Variants in MEI1 observed in about 807,000 individuals in gnomAD.
MEI1 encodes meiotic double-stranded break formation protein 1, also known as meiosis inhibitor protein 1.
In MEI1, 103 loss-of-function variants were observed where a neutral mutation model predicts 146.2. The observed-to-expected ratio is 0.70, with a 90% CI of 0.60 to 0.83. The LOEUF (loss-of-function observed/expected upper bound fraction) is 0.83, where lower values mean the gene tolerates loss of function less well. MEI1 is among the 40% of genes least tolerant of loss of function. The pLI is 0.00. For missense variants in MEI1, 1,529 were observed against 1,533.0 expected, an observed-to-expected ratio of 1.00 and a Z score of 0.04; for synonymous variants, 652 against 628.2, an observed-to-expected ratio of 1.04 and a Z score of -0.57.
intron 11 of MEI1, among the ~76,000 whole-genome samples, chr22:41,738,747 GGTGACAGAGCAAGA>G (rs2072600558): frequency 6.6e-6 from 1 of 151,356 alleles, no homozygotes; most frequent in Non-Finnish European, 1.5e-5. Context: ...ACTACAGCTT[GGTGACAGAGCAAGA>G]CTCTGTCTCA....
chr22:41,784,809 G>C, intron 26 of MEI1, 26 bp downstream of exon 26: 1 of 1,553,670 alleles, frequency 6.4e-7, no homozygotes, highest in Non-Finnish European at 8.7e-7. Flanking sequence ...AGTGGGGCTT[G>C]CTTCTCCCAG....
chr22:41,705,778 G>A (rs1484508261), intron 3 of MEI1, among the ~76,000 whole-genome samples: 1 of 149,964 alleles, frequency 6.7e-6, no homozygotes, highest in African/African-American at 2.5e-5. Context: ...TGCAATCTCA[G>A]CTCACTGCAA....
At chr22:41,708,205 A>G (rs2069250270) in intron 3 of MEI1, among the ~76,000 whole-genome samples, 1 of 152,250 alleles carries the variant, frequency 6.6e-6, no homozygotes, top group African/African-American at 2.4e-5. Flanking sequence ...TAAGGAAAAA[A>G]GGAGAGAGAA....
intron 7 of MEI1, among the ~76,000 whole-genome samples, chr22:41,728,050 C>T (rs2071521879): frequency 6.6e-6 from 1 of 152,214 alleles, no homozygotes; most frequent in African/African-American, 2.4e-5. Context: ...CCCACATATA[C>T]TCAAGTCCTA....
chr22:41,718,309 A>G (rs956981105), intron 6 of MEI1, 35 bp downstream of exon 6: 1 of 1,596,124 alleles, frequency 6.3e-7, no homozygotes, highest in Admixed American at 1.7e-5. Flanking sequence ...AGGGAGAATA[A>G]GTTTTTGACA....
chr22:41,746,030 G>T lies in MEI1; in HGVS notation c.1680+4G>T, dbSNP rs780324140. ...GCTGTGTATCCCCATGGTGATGGTG[G>T]GTTCTCCTGAGCCACGGGCAACATG... On this transcript the variant is annotated splice_donor_region_variant and intron_variant, in intron 14 of 30. Coordinates refer to ENST00000401548, the MANE Select transcript of MEI1 (RefSeq NM_152513.4). 3 of 1,585,326 alleles carry T rather than the reference G, an allele frequency of 1.9e-6. No individual in the cohort carries two copies. Among genetic ancestry groups the T allele is most frequent in the East Asian group, 2.3e-5 (1 of 43,778 alleles).
rs1481281084 is a variant in MEI1 at position 41,795,756 on chromosome 22, G to A, written c.3688G>A (p.Ala1230Thr). The part of the protein sequence containing the change: ...FQQLQSMGHL[A>T]DHSMAQTLQA... The stretch of plus-strand genomic sequence containing the variant: ...GCAGCTCCAGAGCATGGGACACCTG[G>A]CTGACCACAGCATGGCCCAGACCCT... The change falls in exon 30 of 31, where the codon GCT becomes ACT. Residue 1230 changes from alanine to threonine, a missense_variant. Physicochemically the swap from Ala to Thr is moderately conservative, Grantham distance 58. Around this residue, in one of 3 missense-constraint regions of MEI1, gnomAD observed 313 missense variants for 337.3 expected, o/e 0.93. Coordinates refer to ENST00000401548, the MANE Select transcript of MEI1 (RefSeq NM_152513.4). The surrounding 1 kb of genome is among the most constrained non-coding windows in gnomAD (Gnocchi z 4.2). 2 of 1,613,634 alleles carry A rather than the reference G, an allele frequency of 1.2e-6. No individual in the cohort carries two copies. Among genetic ancestry groups the A allele is most frequent in the Admixed American group, 1.7e-5 (1 of 59,980 alleles).
At chr22:41,752,366 TCTTA>T in intron 15 of MEI1, 1 of 539,768 alleles carries the variant, frequency 1.9e-6, no homozygotes, top group Non-Finnish European at 3.4e-6. Flanking sequence ...CATACATTTA[TCTTA>T]CTTAGCTTTA....
intron 2 of MEI1, 25 bp downstream of exon 2, chr22:41,703,479 A>G (rs749148579): frequency 6.5e-7 from 1 of 1,538,482 alleles, no homozygotes; most frequent in Non-Finnish European, 8.8e-7. Flanking sequence ...GAAATTTGAC[A>G]TGAGTTTTGA....
chr22:41,787,288 C>CT (rs201398400), intron 26 of MEI1, among the ~76,000 whole-genome samples: 17 of 151,462 alleles, frequency 1.1e-4, no homozygotes, highest in African/African-American at 2.7e-4. Flanking sequence ...ACAGAATGGG[C>CT]TTTTTTTTTC....
At position 41,713,992 on chromosome 22, in the gene MEI1, G is replaced by A; in HGVS notation, c.350-10G>A. 6.3e-7 allele frequency: 1 copy of A among 1,576,168 alleles called. No homozygotes were observed. The highest frequency in any genetic ancestry group is 8.6e-7 in the Non-Finnish European group (1 of 1,160,496). Reference sequence around the variant, plus strand: ...GCCTCCTGGTTAGTAATACTGTTGTGTCTGTTCAGTCCTTATTCAGATCAC... The same window carrying A: ...GCCTCCTGGTTAGTAATACTGTTGTATCTGTTCAGTCCTTATTCAGATCAC... On this transcript the variant is annotated splice_polypyrimidine_tract_variant and intron_variant, in intron 3 of 30. Transcript: ENST00000401548.
intron 17 of MEI1, among the ~76,000 whole-genome samples, chr22:41,755,349 C>T (rs2074024851): frequency 6.6e-6 from 1 of 152,146 alleles, no homozygotes; most frequent in Non-Finnish European, 1.5e-5. Flanking sequence ...TCTCTTTTAT[C>T]TTTCCCAGAC....
intron 19 of MEI1, among the ~76,000 whole-genome samples, chr22:41,768,003 G>C (rs1317306623): frequency 6.6e-6 from 1 of 152,196 alleles, no homozygotes; most frequent in South Asian, 2.1e-4. Flanking sequence ...AGGAAGCCTA[G>C]CTTAATGTGC....
chr22:41,781,446 T>A, intron 23 of MEI1, 52 bp downstream of exon 23: 1 of 1,437,368 alleles, frequency 7.0e-7, no homozygotes, highest in Non-Finnish European at 9.6e-7. Context: ...TCTGTGGTCC[T>A]CTGTATCTCA....
chr22:41,789,295 G>C (rs936825412), intron 26 of MEI1, among the ~76,000 whole-genome samples: 1 of 152,166 alleles, frequency 6.6e-6, no homozygotes, highest in Non-Finnish European at 1.5e-5. Flanking sequence ...CTGGGTGACA[G>C]AGCAAGACTC....
chr22:41,786,873 G>A (rs150472026), intron 26 of MEI1, among the ~76,000 whole-genome samples: 3 of 152,364 alleles, frequency 2.0e-5, no homozygotes, highest in Admixed American at 2.0e-4. Flanking sequence ...TTGTAGATCA[G>A]TGTTTATGTA....
intron 4 of MEI1, among the ~76,000 whole-genome samples, chr22:41,715,338 A>T (rs1309871070): frequency 6.6e-6 from 1 of 152,184 alleles, no homozygotes; most frequent in Admixed American, 6.5e-5. Flanking sequence ...CATGAAGCAT[A>T]GTGCCTGGTA....
At chr22:41,719,294 C>G (rs2070523166) in intron 6 of MEI1, among the ~76,000 whole-genome samples, 2 of 152,046 alleles carry the variant, frequency 1.3e-5, no homozygotes, top group Non-Finnish European at 2.9e-5. Context: ...TCAAGTGATT[C>G]TTATGCCTCA....
rs866579698 is a variant in MEI1, at chr22:41,758,431, G to A, written c.2018G>A (p.Ser673Asn). The change falls in exon 18 of 31, where the codon AGC becomes AAC. Residue 673 changes from serine to asparagine, a missense_variant. Physicochemically the swap from Ser to Asn is conservative, Grantham distance 46. This residue lies in a region of MEI1 where 1,212 missense variants were observed against 1,178.9 expected (regional missense o/e 1.03). Transcript: ENST00000401548. ...CAGATAAGCAGCAGGAGCCCTGAAA[G>A]CCTTGCCTTCCTGTCTGATCGCCAG... ...LPQISSRSPESLAFLSDRQYM... is the reference protein window; with the variant it reads ...LPQISSRSPENLAFLSDRQYM... The A allele has an allele frequency of 1.2e-6, 2 of 1,613,834 alleles. No individual in the cohort carries two copies. Among genetic ancestry groups the A allele is most frequent in the African/African-American group, 2.7e-5 (2 of 74,914 alleles).
Sources: allele counts gnomAD v4.1 joint callset (sites outside exome capture counted in the v4.1 genomes callset), GRCh38; gene constraint gnomAD v4.1.1; regional missense constraint gnomAD v4.1.1; non-coding constraint Gnocchi (gnomAD v3.1); transcripts MANE v1.5; gene names NCBI Gene and HGNC (gene_info 2026-07-23, HGNC 2026-07-21).